The following TRHDE variants were observed in gnomAD, a reference collection of about 807,000 sequenced individuals.
The protein encoded by TRHDE is thyrotropin releasing hormone degrading enzyme.
TRHDE carries 72 observed loss-of-function variants against 125.7 expected under a neutral mutation model. That is an observed-to-expected ratio of 0.57 (90% CI 0.47 to 0.70). The LOEUF is 0.70. TRHDE is among the 30% of genes least tolerant of loss of function. The pLI is 0.00. For synonymous variants in TRHDE, 509 were observed against 509.1 expected, an observed-to-expected ratio of 1.00 and a Z score of 0.00; for missense variants, 1,110 against 1,327.1, an observed-to-expected ratio of 0.84 and a Z score of 2.54.
intron 2 of TRHDE, among the ~76,000 whole-genome samples, chr12:72,197,300 C>T (rs143184823): frequency 6.6e-6 from 1 of 152,210 alleles, no homozygotes; most frequent in Admixed American, 6.5e-5. Context: ...AAAATGGCAA[C>T]CCACAATGGT....
chr12:72,638,489 A>G (rs929074653), intron 15 of TRHDE, among the ~76,000 whole-genome samples: 28 of 151,100 alleles, frequency 1.9e-4, no homozygotes, highest in African/African-American at 6.8e-4. Flanking sequence ...TAATTGGAGC[A>G]TTTAGTCCAT....
At chr12:72,495,712 G>T in intron 5 of TRHDE, among the ~76,000 whole-genome samples, 1 of 151,990 alleles carries the variant, frequency 6.6e-6, no homozygotes, top group East Asian at 1.9e-4. Flanking sequence ...GCATAGAGTG[G>T]TAATTTAATA....
intron 1 of TRHDE, among the ~76,000 whole-genome samples, chr12:72,276,780 T>A (rs552679444): frequency 6.6e-6 from 1 of 152,320 alleles, no homozygotes; most frequent in South Asian, 2.1e-4. Flanking sequence ...AATCCACATG[T>A]CTACACACCA....
chr12:72,334,742 C>T (rs187170928), intron 2 of TRHDE, among the ~76,000 whole-genome samples: 91 of 152,296 alleles, frequency 6.0e-4, no homozygotes, highest in African/African-American at 2.1e-3. Flanking sequence ...GGCCGAAGTT[C>T]ATCAGATGGA....
At position 72,646,121 on chromosome 12, in the gene TRHDE, A is replaced by G. The variant is rs190277724; in HGVS notation, c.2676-6201A>G. 1.0e-3 allele frequency among the ~76,000 whole-genome samples: 159 copies of G among 152,276 alleles called. 1 individual carries two copies. Among genetic ancestry groups the G allele is most frequent in the African/African-American group, 3.7e-3 (153 of 41,588 alleles). ...GGTAAATAATTTTTAATTCTAGTAT[A>G]AAATTTAAATGACAAAAGTATTAAA... On this transcript the variant is annotated intron_variant, in intron 15 of 18. Transcript: ENST00000261180.
chr12:72,452,150 A>G (rs1592455362), intron 3 of TRHDE, among the ~76,000 whole-genome samples: 1 of 150,556 alleles, frequency 6.6e-6, no homozygotes. Flanking sequence ...AGTTTTCATC[A>G]TACAGGTATT....
chr12:72,389,442 C>A (rs1355252088), intron 3 of TRHDE, among the ~76,000 whole-genome samples: 1 of 152,150 alleles, frequency 6.6e-6, no homozygotes, highest in African/African-American at 2.4e-5. Flanking sequence ...TCCTAGTCAC[C>A]TTGGGCTGCC....
intron 5 of TRHDE, among the ~76,000 whole-genome samples, chr12:72,481,147 T>C (rs1195990138): frequency 2.6e-5 from 4 of 152,024 alleles, no homozygotes; most frequent in Non-Finnish European, 4.4e-5. Flanking sequence ...CAGACAGCTA[T>C]ATGTTTTAAA....
intron 4 of TRHDE, among the ~76,000 whole-genome samples, chr12:72,471,438 C>G (rs1194245320): frequency 6.6e-6 from 1 of 152,076 alleles, no homozygotes; most frequent in Admixed American, 6.6e-5. Context: ...GAAAGCGCAC[C>G]GATAATGTGT....
intron 2 of TRHDE, among the ~76,000 whole-genome samples, chr12:72,251,392 CAT>C (rs1290656605): frequency 6.7e-6 from 1 of 148,348 alleles, no homozygotes; most frequent in African/African-American, 2.5e-5. Flanking sequence ...GAAGTAGAAT[CAT>C]AGAGTATATA....
intron 2 of TRHDE, among the ~76,000 whole-genome samples, chr12:72,194,977 A>G (rs1877410846): frequency 6.6e-6 from 1 of 152,096 alleles, no homozygotes; most frequent in African/African-American, 2.4e-5. Context: ...AAGAAGTTTA[A>G]TTGGCTCACA....
intron 12 of TRHDE, among the ~76,000 whole-genome samples, chr12:72,583,581 C>T (rs1871324078): frequency 6.6e-6 from 1 of 152,106 alleles, no homozygotes; most frequent in Non-Finnish European, 1.5e-5. Flanking sequence ...AACACTTTGC[C>T]ACAGATAAAT....
At chr12:72,127,696 G>A (rs1159399599) in intron 2 of TRHDE, among the ~76,000 whole-genome samples, 2 of 152,082 alleles carry the variant, frequency 1.3e-5, no homozygotes, top group Non-Finnish European at 2.9e-5. Context: ...AAGGGGGCAA[G>A]GGGTTGAAAA....
At chr12:72,428,194 T>G (rs947688885) in intron 3 of TRHDE, among the ~76,000 whole-genome samples, 2 of 152,170 alleles carry the variant, frequency 1.3e-5, no homozygotes, top group Non-Finnish European at 2.9e-5. Context: ...AACCATATAC[T>G]AGGGACATAT....
At chr12:72,312,124 A>G (rs1868572975) in intron 2 of TRHDE, among the ~76,000 whole-genome samples, 1 of 152,174 alleles carries the variant, frequency 6.6e-6, no homozygotes, top group Admixed American at 6.5e-5. Context: ...AGGCATGCAA[A>G]GCGAAAGGAG....
intron 2 of TRHDE, among the ~76,000 whole-genome samples, chr12:72,372,304 G>T (rs112674608): frequency 1.1e-4 from 17 of 152,092 alleles, no homozygotes; most frequent in African/African-American, 3.9e-4. Flanking sequence ...TTTGTCAGAT[G>T]AGTAGGTTGC....
chr12:72,397,556 C>T (rs1407799458), intron 3 of TRHDE, among the ~76,000 whole-genome samples: 1 of 152,188 alleles, frequency 6.6e-6, no homozygotes, highest in East Asian at 1.9e-4. Context: ...TGACCCAACC[C>T]ACCATTCTCC....
At chr12:72,336,423 A>T (rs1869833439) in intron 2 of TRHDE, among the ~76,000 whole-genome samples, 2 of 152,138 alleles carry the variant, frequency 1.3e-5, no homozygotes, top group African/African-American at 4.8e-5. Flanking sequence ...CTCTCCATGA[A>T]ATTTGCTTTC....
chr12:72,449,953 G>A (rs761213646), intron 3 of TRHDE, among the ~76,000 whole-genome samples: 19 of 151,760 alleles, frequency 1.3e-4, no homozygotes, highest in Non-Finnish European at 2.2e-4. Flanking sequence ...GGAATACAAT[G>A]ATTCCATTCA....
Sources: allele counts gnomAD v4.1 joint callset (sites outside exome capture counted in the v4.1 genomes callset), GRCh38; gene constraint gnomAD v4.1.1; transcripts MANE v1.5; gene names NCBI Gene and HGNC (gene_info 2026-07-23, HGNC 2026-07-21).